Variants in MYO16 observed in about 807,000 individuals in gnomAD.
MYO16 encodes the protein myosin XVI.
MYO16 carries 94 observed loss-of-function variants against 205.3 expected under a neutral mutation model. The ratio of observed to expected loss-of-function variants is 0.46; its 90% CI spans 0.39 to 0.54. MYO16 has a LOEUF of 0.54. Ranked by LOEUF, MYO16 falls within the 20% of genes least tolerant of loss-of-function variation. MYO16 has a pLI of 0.00. For missense variants in MYO16, 2,315 were observed against 2,387.5 expected, an observed-to-expected ratio of 0.97 and a Z score of 0.63; for synonymous variants, 988 against 954.0, an observed-to-expected ratio of 1.04 and a Z score of -0.66.
chr13:108,583,849 C>T, the MYO16 span, among the ~76,000 whole-genome samples: 1 of 152,158 alleles, frequency 6.6e-6, no homozygotes, highest in African/African-American at 2.4e-5. Context: ...CCAGTGCCTA[C>T]CCATGCAGTC....
intron 32 of MYO16, among the ~76,000 whole-genome samples, chr13:109,146,680 C>T (rs531616751): frequency 5.4e-4 from 82 of 152,048 alleles, no homozygotes; most frequent in Admixed American, 1.4e-3. Context: ...GCCTGCGGTC[C>T]CAGCTACTTG....
chr13:108,874,574 T>C (rs1260056052), intron 12 of MYO16, among the ~76,000 whole-genome samples: 1 of 151,916 alleles, frequency 6.6e-6, no homozygotes, highest in Non-Finnish European at 1.5e-5. Flanking sequence ...TTTTCTAAAG[T>C]CTTCCCATGA....
intron 22 of MYO16, among the ~76,000 whole-genome samples, chr13:109,013,582 A>G (rs1885696176): frequency 6.6e-6 from 1 of 152,282 alleles, no homozygotes; most frequent in East Asian, 1.9e-4. Context: ...ACTCCCACCA[A>G]CAGTGCAAAA....
At chr13:108,602,450 G>C (rs1377519857) in intron 1 of MYO16, among the ~76,000 whole-genome samples, 1 of 152,090 alleles carries the variant, frequency 6.6e-6, no homozygotes, top group African/African-American at 2.4e-5. Flanking sequence ...TAAGATATTG[G>C]TAGGAGTTTT....
At chr13:109,032,354 G>T (rs1012721233) in intron 23 of MYO16, among the ~76,000 whole-genome samples, 1 of 152,172 alleles carries the variant, frequency 6.6e-6, no homozygotes, top group Non-Finnish European at 1.5e-5. Context: ...TCAGGCCGCT[G>T]CAGCAGAAGC....
chr13:108,751,092 T>C (rs970430316), intron 4 of MYO16, among the ~76,000 whole-genome samples: 1 of 142,298 alleles, frequency 7.0e-6, no homozygotes, highest in African/African-American at 2.5e-5. Flanking sequence ...CACACATACA[T>C]TTCCCTCCCC....
At chr13:108,919,699 C>A (rs1299478702) in intron 16 of MYO16, among the ~76,000 whole-genome samples, 1 of 152,200 alleles carries the variant, frequency 6.6e-6, no homozygotes, top group Admixed American at 6.5e-5. Context: ...TTAAATGTCA[C>A]AAACATTCTC....
chr13:108,883,637 CT>C lies in MYO16; in HGVS notation c.1553+466del, dbSNP rs201912016. Reference sequence around the variant, plus strand: ...AATTCACTGTACTCTACTTCCTAAACTTTTTTTTTTTTTTTGAGACAGGGTC... The same window carrying C: ...AATTCACTGTACTCTACTTCCTAAACTTTTTTTTTTTTTTGAGACAGGGTC... On this transcript the variant is annotated intron_variant, in intron 13 of 34. Coordinates refer to ENST00000457511, the MANE Select transcript of MYO16 (RefSeq NM_001198950.3). Among the ~76,000 whole-genome samples the C allele has an allele frequency of 6.5e-3, 920 of 142,370 alleles. 3 individuals are homozygous for C. The highest frequency in any genetic ancestry group is 0.025 in the Middle Eastern group (7 of 278). The allele number at this position is 142,370 out of a possible 152,430, so 93.4% of individuals were successfully genotyped here. A position where few individuals can be genotyped will look rare whatever the true frequency, so the allele number is the denominator to read the frequency against.
At chr13:109,084,572 G>A (rs376323960) in intron 27 of MYO16, among the ~76,000 whole-genome samples, 67 of 152,174 alleles carry the variant, frequency 4.4e-4, no homozygotes, top group African/African-American at 1.3e-3. Context: ...CATCACATCC[G>A]TGAATCATTA....
chr13:108,849,900 A>T (rs1877755554), intron 10 of MYO16, among the ~76,000 whole-genome samples: 1 of 130,310 alleles, frequency 7.7e-6, no homozygotes, highest in Non-Finnish European at 1.6e-5. Context: ...TTTTTTTTTT[A>T]ACTCATCCAT....
At chr13:108,950,825 C>A (rs1442508561) in intron 16 of MYO16, among the ~76,000 whole-genome samples, 1 of 152,116 alleles carries the variant, frequency 6.6e-6, no homozygotes, top group African/African-American at 2.4e-5. Context: ...TGGCTAGACA[C>A]ACTGCTGTGT....
At chr13:108,719,851 C>T (rs1409293251) in intron 3 of MYO16, among the ~76,000 whole-genome samples, 1 of 152,114 alleles carries the variant, frequency 6.6e-6, no homozygotes, top group East Asian at 1.9e-4. Flanking sequence ...ACGTAATTCA[C>T]CTTTATATAT....
At chr13:108,595,380 T>G (rs1009499514), upstream of MYO16, among the ~76,000 whole-genome samples, 2 of 152,200 alleles carry the variant, frequency 1.3e-5, no homozygotes, top group African/African-American at 4.8e-5. Flanking sequence ...TGGAAGGGTC[T>G]GACTCTGATA....
intron 32 of MYO16, among the ~76,000 whole-genome samples, chr13:109,147,226 G>A (rs1053612596): frequency 5.3e-5 from 8 of 151,850 alleles, no homozygotes; most frequent in Non-Finnish European, 8.8e-5. Flanking sequence ...AACTATGAAA[G>A]ATCAAAATTC....
rs1204452852 is a variant in MYO16, at chr13:109,100,900, C to A, written c.3438+13C>A. On this transcript the variant is annotated intron_variant, in intron 28 of 34. Coordinates refer to ENST00000457511, the MANE Select transcript of MYO16 (RefSeq NM_001198950.3). ...ACAAGGCTGGCAGGTTGGTGACCTACAAGCTATGAAAATAACATTTTAGGA... is the reference window on the plus strand; with the variant it reads ...ACAAGGCTGGCAGGTTGGTGACCTAAAAGCTATGAAAATAACATTTTAGGA... The A allele has an allele frequency of 1.3e-6, 2 of 1,599,746 alleles. No individual in the cohort carries two copies. The highest frequency in any genetic ancestry group is 8.6e-7 in the Non-Finnish European group (1 of 1,167,738).
the MYO16 span, among the ~76,000 whole-genome samples, chr13:108,519,631 A>ACACACACACACAAACACC: frequency 1.3e-5 from 2 of 148,364 alleles, no homozygotes; most frequent in South Asian, 4.3e-4. Context: ...CAAAATACAC[A>ACACACACACACAAACACC]CACACACACA....
At chr13:108,625,423 G>A (rs970140319), upstream of MYO16, among the ~76,000 whole-genome samples, 2 of 152,190 alleles carry the variant, frequency 1.3e-5, no homozygotes, top group African/African-American at 4.8e-5. Flanking sequence ...CAAGAGCTGA[G>A]TGTATTTATG....
rs1476589532 is a variant in MYO16 at position 108,632,896 on chromosome 13, ATGTGAGACTTGAAACTACTTT to A, written c.28+3028_28+3048del. 2.1e-4 allele frequency among the ~76,000 whole-genome samples: 32 copies of A among 152,160 alleles called. 1 individual carries two copies. The highest frequency in any genetic ancestry group is 1.8e-3 in the Admixed American group (28 of 15,268). On this transcript the variant is annotated intron_variant, in intron 1 of 34. Coordinates refer to ENST00000457511, the MANE Select transcript of MYO16 (RefSeq NM_001198950.3). ...CATGGGCTCACAGAACTTTAAGGCC[ATGTGAGACTTGAAACTACTTT>A]TGTTTTAATGAACTGAAGCGGAGGC...
intron 20 of MYO16, among the ~76,000 whole-genome samples, chr13:108,980,088 T>C (rs543616338): frequency 1.3e-5 from 2 of 152,144 alleles, no homozygotes; most frequent in Non-Finnish European, 2.9e-5. Flanking sequence ...ATTTATCAGA[T>C]CTAGGAGAAT....
Sources: gnomAD v4.1 joint callset for allele counts (sites outside exome capture counted in the v4.1 genomes callset) on GRCh38, gnomAD v4.1.1 for gene constraint, MANE v1.5 for transcripts, NCBI Gene and HGNC (gene_info 2026-07-23, HGNC 2026-07-21) for gene names.